Variants in MYCBP2 observed in about 807,000 individuals in gnomAD.
MYCBP2 encodes E3 ubiquitin-protein ligase MYCBP2.
In MYCBP2, 120 loss-of-function variants were observed where a neutral mutation model predicts 525.3. The observed-to-expected ratio is 0.23, with a 90% confidence interval of 0.20 to 0.27. MYCBP2 has a LOEUF of 0.27. MYCBP2 is among the 10% of genes least tolerant of loss of function. MYCBP2 has a pLI of 1.00. For missense variants in MYCBP2, 4,149 were observed against 5,657.1 expected (o/e 0.73, Z 8.55); for synonymous variants, 1,894 against 1,955.8 (o/e 0.97, Z 0.83).
chr13:77,217,497 T>C (rs1306381172), intron 21 of MYCBP2, among the ~76,000 whole-genome samples: 1 of 152,188 alleles, frequency 6.6e-6, no homozygotes, highest in Middle Eastern at 3.2e-3. Flanking sequence ...GTTCTATGTG[T>C]TAAGAAAAAT....
Position 77,082,021 on chromosome 13 carries a change from C to T in MYCBP2, c.11037-28G>A, listed in dbSNP as rs151239610. The T allele has an allele frequency of 1.1e-4, 170 of 1,596,966 alleles. 1 individual carries two copies. In the East Asian group the frequency reaches 2.7e-3, roughly 25 times the overall value. ...AAAAAGGCGATATATAAGCAATATA[C>T]GAAATAATTATTTTCCAGGAACATC... On this transcript the variant is annotated intron_variant, in intron 63 of 82. Coordinates refer to ENST00000544440, the MANE Select transcript of MYCBP2 (RefSeq NM_015057.5).
At chr13:77,296,515 T>C in intron 2 of MYCBP2, 84 bp downstream of exon 2, 1 of 1,410,816 alleles carries the variant, frequency 7.1e-7, no homozygotes, top group Non-Finnish European at 9.4e-7. Flanking sequence ...TAAAATGGTT[T>C]AATTATATTT....
chr13:77,274,875 C>T (rs1347350543), intron 4 of MYCBP2, among the ~76,000 whole-genome samples: 2 of 151,944 alleles, frequency 1.3e-5, no homozygotes, highest in Non-Finnish European at 2.9e-5. Context: ...TTCTTTCCCC[C>T]TTCCTCTCTT....
At chr13:77,294,104 C>CTATATATATA (rs1197370334) in intron 2 of MYCBP2, among the ~76,000 whole-genome samples, 5,849 of 41,630 alleles carry the variant, frequency 0.14, 803 homozygotes, top group South Asian at 0.21. Flanking sequence ...GATATAATGG[C>CTATATATATA]TATATATATA....
At chr13:77,115,183 T>C (rs1566584073) in intron 55 of MYCBP2, among the ~76,000 whole-genome samples, 2 of 151,940 alleles carry the variant, frequency 1.3e-5, no homozygotes, top group South Asian at 4.1e-4. Flanking sequence ...ATGCCTGTGA[T>C]GTGTAAGACA....
chr13:77,144,317 G>A (rs2055172636), intron 49 of MYCBP2, 128 bp downstream of exon 49: 1 of 651,434 alleles, frequency 1.5e-6, no homozygotes, highest in African/African-American at 1.8e-5. Context: ...GAGAAAACAA[G>A]GCCTCAAATA....
chr13:77,082,676 T>C (rs183834837), intron 63 of MYCBP2, among the ~76,000 whole-genome samples: 1 of 152,300 alleles, frequency 6.6e-6, no homozygotes, highest in Admixed American at 6.5e-5. Flanking sequence ...CCCAAGATTC[T>C]TTTCAAGTCA....
intron 82 of MYCBP2, among the ~76,000 whole-genome samples, chr13:77,046,794 T>C (rs944936988): frequency 4.6e-5 from 7 of 152,178 alleles, no homozygotes; most frequent in African/African-American, 1.7e-4. Context: ...GACCTCAGGA[T>C]GGGTCAGCAT....
chr13:77,211,353 T>C (rs949971384), intron 22 of MYCBP2, 33 bp from the exon 23 acceptor site: 4 of 1,115,046 alleles, frequency 3.6e-6, no homozygotes, highest in Non-Finnish European at 4.6e-6. Context: ...ATAATTTTAA[T>C]ATATATTACC....
intron 40 of MYCBP2, among the ~76,000 whole-genome samples, chr13:77,166,816 T>C (rs573663103): frequency 2.0e-5 from 3 of 152,204 alleles, no homozygotes; most frequent in African/African-American, 7.2e-5. Context: ...AAAATCCAAA[T>C]TTAAAAAGCA....
intron 1 of MYCBP2, among the ~76,000 whole-genome samples, chr13:77,309,533 G>A (rs557385216): frequency 6.6e-5 from 10 of 152,260 alleles, no homozygotes; most frequent in Admixed American, 6.5e-4. Context: ...AGAATCCCAA[G>A]AATGGACTCT....
chr13:77,095,696 T>C (rs2046131986), intron 57 of MYCBP2, 94 bp from the exon 58 acceptor site: 1 of 1,380,798 alleles, frequency 7.2e-7, no homozygotes. Flanking sequence ...ATAAAAATTA[T>C]TAAACACTTG....
intron 77 of MYCBP2, among the ~76,000 whole-genome samples, chr13:77,059,042 C>T (rs746417548): frequency 3.3e-5 from 5 of 151,632 alleles, no homozygotes; most frequent in South Asian, 4.2e-4. Flanking sequence ...CACCACTCTC[C>T]GCATCACCAA....
intron 46 of MYCBP2, among the ~76,000 whole-genome samples, chr13:77,153,043 C>T (rs529809465): frequency 4.2e-4 from 53 of 127,410 alleles, no homozygotes; most frequent in African/African-American, 1.4e-3. Flanking sequence ...CCAGCCTGGG[C>T]GACAGAGCGA....
intron 33 of MYCBP2, among the ~76,000 whole-genome samples, chr13:77,181,340 CTATCTTAGAAATCTAAAATAT>C (rs1253904789): frequency 6.6e-6 from 1 of 151,792 alleles, no homozygotes; most frequent in Non-Finnish European, 1.5e-5. Flanking sequence ...TCTTATTGTT[CTATCTTAGAAATCTAAAATAT>C]TATATTAGAA....
intron 33 of MYCBP2, 129 bp from the exon 34 acceptor site, chr13:77,180,447 T>C (rs2060112495): frequency 3.9e-6 from 3 of 769,348 alleles, no homozygotes. Context: ...TCTACAAATC[T>C]TTCTGGTTAT....
rs76432865 is a variant in MYCBP2, at chr13:77,182,827, C to T, written c.4720-905G>A. Among the ~76,000 whole-genome samples the T allele has an allele frequency of 7.0e-3, 1,070 of 152,094 alleles. 6 individuals are homozygous for T. The highest frequency in any genetic ancestry group is 0.024 in the African/African-American group (992 of 41,480). ...ATATAAGTGGTGAGTGTAGATACCA[C>T]GTGTCTTGTTTCCAAACTTAGGGGC... On this transcript the variant is annotated intron_variant, in intron 32 of 82. Transcript: ENST00000544440.
chr13:77,174,966 T>A (rs897048548), intron 36 of MYCBP2, among the ~76,000 whole-genome samples: 14 of 63,872 alleles, frequency 2.2e-4, no homozygotes, highest in East Asian at 3.7e-4. Flanking sequence ...ATATATATAT[T>A]TTTTTCTGAG....
intron 46 of MYCBP2, among the ~76,000 whole-genome samples, chr13:77,155,742 A>G (rs909136528): frequency 1.3e-4 from 20 of 152,134 alleles, no homozygotes; most frequent in Admixed American, 9.2e-4. Flanking sequence ...TCTTTCATGC[A>G]TTTATTCAAT....
Sources: gnomAD v4.1 joint callset for allele counts (sites outside exome capture counted in the v4.1 genomes callset) on GRCh38, gnomAD v4.1.1 for gene constraint, MANE v1.5 for transcripts, NCBI Gene and HGNC (gene_info 2026-07-23, HGNC 2026-07-21) for gene names.